C1orf87: variants seen among roughly 807,000 people sequenced by gnomAD.
C1orf87 encodes chromosome 1 open reading frame 87, also known as uncharacterized protein C1orf87.
A neutral mutation model predicts 60.5 loss-of-function variants in C1orf87; 58 were observed. The observed-to-expected ratio is 0.96, with a 90% CI of 0.78 to 1.19. The LOEUF is 1.19. C1orf87 is among the 50% of genes most tolerant of loss of function. The probability of loss-of-function intolerance (pLI) is 0.00; values close to 1 mark genes in which losing one functional copy is unlikely to be tolerated. For synonymous variants in C1orf87, 236 were observed against 227.4 expected, an observed-to-expected ratio of 1.04 and a Z score of -0.34; for missense variants, 673 against 638.6, an observed-to-expected ratio of 1.05 and a Z score of -0.58.
At chr1:60,018,708 A>G (rs1340904894) in intron 8 of C1orf87, among the ~76,000 whole-genome samples, 1 of 152,056 alleles carries the variant, frequency 6.6e-6, no homozygotes, top group Non-Finnish European at 1.5e-5. Context: ...CCTTCATCCA[A>G]CCACCCCCAA....
chr1:60,060,501 TC>T (rs1156594809), intron 2 of C1orf87, among the ~76,000 whole-genome samples: 7 of 152,180 alleles, frequency 4.6e-5, no homozygotes, highest in African/African-American at 1.7e-4. Context: ...AAGGGATGCT[TC>T]TTTCTCTGGA....
intron 2 of C1orf87, among the ~76,000 whole-genome samples, chr1:60,065,029 AAT>A (rs1182494841): frequency 8.6e-6 from 1 of 116,196 alleles, no homozygotes; most frequent in Non-Finnish European, 1.7e-5. Context: ...ATATATATTT[AAT>A]ATATATATTT....
chr1:60,065,046 AT>A (rs1379709296), intron 2 of C1orf87, among the ~76,000 whole-genome samples: 2,435 of 52,884 alleles, frequency 0.046, 75 homozygotes, highest in African/African-American at 0.077. Flanking sequence ...ATATTTAATA[AT>A]ATATAAAATA....
chr1:60,072,795 A>T (rs1341819870), intron 1 of C1orf87, 125 bp from the exon 2 acceptor site: 1 of 558,068 alleles, frequency 1.8e-6, no homozygotes, highest in Admixed American at 3.6e-5. Flanking sequence ...ACCTCACTTA[A>T]CACTCCTAAC....
At chr1:60,055,508 C>T in intron 2 of C1orf87, 70 bp from the exon 3 acceptor site, 1 of 1,364,610 alleles carries the variant, frequency 7.3e-7, no homozygotes, top group Non-Finnish European at 1.0e-6. Flanking sequence ...GGCATAAGAA[C>T]AGAAGGTGTG....
intron 10 of C1orf87, among the ~76,000 whole-genome samples, chr1:59,999,750 A>C (rs897223674): frequency 6.6e-6 from 1 of 152,108 alleles, no homozygotes; most frequent in Non-Finnish European, 1.5e-5. Flanking sequence ...ATCTTCTTTT[A>C]GTCCTATATA....
At chr1:60,064,195 T>C (rs1336218099) in intron 2 of C1orf87, among the ~76,000 whole-genome samples, 1 of 134,196 alleles carries the variant, frequency 7.5e-6, no homozygotes, top group African/African-American at 2.7e-5. Context: ...TGATGGCCTA[T>C]TGTGGAACTT....
intron 7 of C1orf87, 60 bp downstream of exon 7, chr1:60,033,416 G>A (rs1557468401): frequency 6.6e-7 from 1 of 1,505,652 alleles, no homozygotes; most frequent in Non-Finnish European, 9.1e-7. Context: ...TATTGCTATA[G>A]ACCCAATGCC....
intron 3 of C1orf87, among the ~76,000 whole-genome samples, chr1:60,049,384 A>G (rs1490545570): frequency 2.6e-5 from 4 of 152,252 alleles, no homozygotes; most frequent in South Asian, 4.1e-4. Flanking sequence ...ATATTTAAGG[A>G]ACATTTACAT....
At chr1:60,009,463 T>C (rs1435830172) in intron 9 of C1orf87, among the ~76,000 whole-genome samples, 1 of 152,082 alleles carries the variant, frequency 6.6e-6, no homozygotes. Context: ...GTATTTTGTA[T>C]GGCAGCCCTG....
At chr1:59,997,573 T>C (rs749758918) in intron 11 of C1orf87, 36 bp downstream of exon 11, 1 of 1,605,648 alleles carries the variant, frequency 6.2e-7, no homozygotes, top group Non-Finnish European at 8.5e-7. Context: ...AGACCACAAA[T>C]AGAAACCTAT....
intron 3 of C1orf87, among the ~76,000 whole-genome samples, chr1:60,048,068 A>G (rs779240218): frequency 6.6e-6 from 1 of 152,106 alleles, no homozygotes; most frequent in Non-Finnish European, 1.5e-5. Flanking sequence ...TCAACATTTA[A>G]TTAAGATTGG....
intron 2 of C1orf87, among the ~76,000 whole-genome samples, chr1:60,071,709 T>G (rs1053862301): frequency 6.6e-6 from 1 of 152,200 alleles, no homozygotes; most frequent in Non-Finnish European, 1.5e-5. Flanking sequence ...ATTTTTGAGG[T>G]CTCTCCCAGT....
intron 10 of C1orf87, among the ~76,000 whole-genome samples, chr1:59,999,039 C>T (rs2100238865): frequency 6.6e-6 from 1 of 152,210 alleles, no homozygotes; most frequent in Admixed American, 6.5e-5. Flanking sequence ...CTGTGTTCCC[C>T]CAACTTTCAA....
chr1:60,022,881 A>G (rs1281331296), intron 8 of C1orf87, among the ~76,000 whole-genome samples: 2 of 152,188 alleles, frequency 1.3e-5, no homozygotes, highest in Non-Finnish European at 2.9e-5. Flanking sequence ...TGTAACATAT[A>G]CAGCACAGAT....
chr1:59,998,016 G>T (rs958859848), intron 10 of C1orf87, among the ~76,000 whole-genome samples, 200 bp from the exon 11 acceptor site: 2 of 152,132 alleles, frequency 1.3e-5, no homozygotes, highest in South Asian at 4.1e-4. Flanking sequence ...TGAAGTGTGT[G>T]TGTCTAAAGA....
chr1:60,072,664 C>T lies in C1orf87; in HGVS notation c.-21G>A. On this transcript the variant is annotated 5_prime_UTR_variant, in exon 2 of 12. Transcript: ENST00000371201. ...GACATGATTCCTTTCAAAATCCCTT[C>T]AGATCCCTAGGGGTGAAAATAAGTA... 2 of 1,550,156 alleles carry T rather than the reference C, an allele frequency of 1.3e-6. No homozygotes were observed. Among genetic ancestry groups the T allele is most frequent in the Non-Finnish European group, 1.8e-6 (2 of 1,130,968 alleles).
Position 60,072,683 on chromosome 1 carries a change from A to C in C1orf87, c.-27-13T>G. The C allele has an allele frequency of 7.1e-7, 1 of 1,411,920 alleles. No individual in the cohort carries two copies. Among genetic ancestry groups the C allele is most frequent in the Non-Finnish European group, 9.8e-7 (1 of 1,018,508 alleles). 87.5% of individuals were successfully genotyped at this position (1,411,920 alleles called of 1,614,324 possible). A position where few individuals can be genotyped will look rare whatever the true frequency, so the allele number is the denominator to read the frequency against. ...TCCCTTCAGATCCCTAGGGGTGAAA[A>C]TAAGTAAATTGTTCCTCTTGATTTT... is the stretch of plus-strand genomic sequence containing the variant. On this transcript the variant is annotated splice_polypyrimidine_tract_variant and intron_variant, in intron 1 of 11. Transcript: ENST00000371201.
chr1:60,073,439 C>A (rs2100341291), intron 1 of C1orf87, among the ~76,000 whole-genome samples: 1 of 152,268 alleles, frequency 6.6e-6, no homozygotes, highest in Admixed American at 6.5e-5. Context: ...TGTTATTTGA[C>A]AAGGGTCACA....
Sources: allele counts gnomAD v4.1 joint callset (sites outside exome capture counted in the v4.1 genomes callset), GRCh38; gene constraint gnomAD v4.1.1; transcripts MANE v1.5; gene names NCBI Gene and HGNC (gene_info 2026-07-23, HGNC 2026-07-21).